JPH1: variants seen among roughly 807,000 people sequenced by gnomAD.
JPH1 encodes the protein junctophilin 1.
In JPH1, 12 loss-of-function variants were observed where a neutral mutation model predicts 53.6. The observed-to-expected ratio is 0.22, with a 90% CI of 0.14 to 0.36. The LOEUF is 0.36. Ranked by LOEUF, JPH1 falls within the 10% of genes least tolerant of loss-of-function variation. The pLI, the probability that JPH1 is intolerant of heterozygous loss-of-function variation, is 1.00. For synonymous variants in JPH1, 375 were observed against 363.8 expected, an observed-to-expected ratio of 1.03 and a Z score of -0.35; for missense variants, 808 against 905.5, an observed-to-expected ratio of 0.89 and a Z score of 1.38.
chr8:74,286,393 T>G (rs1807165358), intron 2 of JPH1, among the ~76,000 whole-genome samples: 1 of 152,264 alleles, frequency 6.6e-6, no homozygotes, highest in Non-Finnish European at 1.5e-5. Context: ...TATTTACTAC[T>G]TTAAACATTG....
intron 2 of JPH1, among the ~76,000 whole-genome samples, chr8:74,272,653 G>A (rs1806735827): frequency 6.7e-6 from 1 of 149,064 alleles, no homozygotes; most frequent in Non-Finnish European, 1.5e-5. Flanking sequence ...GCCCAGGCTG[G>A]AGTGCAGTGG....
chr8:74,259,698 T>C (rs573099541), intron 2 of JPH1, among the ~76,000 whole-genome samples, 195 bp from the exon 3 acceptor site: 3 of 152,194 alleles, frequency 2.0e-5, no homozygotes, highest in Non-Finnish European at 4.4e-5. Context: ...TACCCATGAA[T>C]TGCCTTAGCC....
chr8:74,267,831 A>C (rs2131402581), intron 2 of JPH1, among the ~76,000 whole-genome samples: 1 of 152,312 alleles, frequency 6.6e-6, no homozygotes, highest in South Asian at 2.1e-4. Flanking sequence ...AGAACAGGAG[A>C]AAATGAAGCA....
chr8:74,275,679 G>T (rs1310572674), intron 2 of JPH1, among the ~76,000 whole-genome samples: 1 of 152,208 alleles, frequency 6.6e-6, no homozygotes, highest in Non-Finnish European at 1.5e-5. Flanking sequence ...TCTGGATCAA[G>T]AACCTGCCTT....
At chr8:74,297,932 A>G (rs1019592919) in intron 2 of JPH1, among the ~76,000 whole-genome samples, 6 of 152,144 alleles carry the variant, frequency 3.9e-5, no homozygotes, top group African/African-American at 1.4e-4. Flanking sequence ...CAACAATTGA[A>G]CCTTGTCTAG....
intron 2 of JPH1, among the ~76,000 whole-genome samples, chr8:74,293,271 C>A (rs754945762): frequency 8.5e-5 from 13 of 152,090 alleles, no homozygotes; most frequent in Non-Finnish European, 1.8e-4. Flanking sequence ...CTTGGATAGG[C>A]CCAGTGTGGC....
intron 2 of JPH1, among the ~76,000 whole-genome samples, chr8:74,270,561 T>C (rs953743157): frequency 6.6e-6 from 1 of 152,148 alleles, no homozygotes; most frequent in African/African-American, 2.4e-5. Flanking sequence ...AAGTAACACT[T>C]TGGTGCAATT....
At chr8:74,255,546 G>T (rs1806195710) in intron 3 of JPH1, among the ~76,000 whole-genome samples, 1 of 152,056 alleles carries the variant, frequency 6.6e-6, no homozygotes, top group Non-Finnish European at 1.5e-5. Context: ...TTGACAAATG[G>T]GATCTAATTA....
intron 2 of JPH1, among the ~76,000 whole-genome samples, chr8:74,309,154 T>C (rs1807919207): frequency 6.6e-6 from 1 of 152,136 alleles, no homozygotes; most frequent in Non-Finnish European, 1.5e-5. Context: ...AGGAGCAGCA[T>C]AGTCCCATGC....
intron 2 of JPH1, among the ~76,000 whole-genome samples, chr8:74,283,268 T>C (rs2131422025): frequency 6.6e-6 from 1 of 151,860 alleles, no homozygotes; most frequent in African/African-American, 2.4e-5. Flanking sequence ...AATATATATT[T>C]TTAAATTATA....
At chr8:74,268,744 T>C (rs117079670) in intron 2 of JPH1, among the ~76,000 whole-genome samples, 2,397 of 152,290 alleles carry the variant, frequency 0.016, 33 homozygotes, top group Non-Finnish European at 0.023. Flanking sequence ...TCTTGTCCTT[T>C]ACCAATGGTC....
At chr8:74,270,050 C>T (rs1806653006) in intron 2 of JPH1, among the ~76,000 whole-genome samples, 1 of 152,052 alleles carries the variant, frequency 6.6e-6, no homozygotes, top group African/African-American at 2.4e-5. Context: ...ATTTATGCTT[C>T]CTATTGAAAA....
intron 4 of JPH1, 87 bp from the exon 5 acceptor site, chr8:74,237,390 A>C (rs1807032309): frequency 9.4e-7 from 1 of 1,066,672 alleles, no homozygotes; most frequent in Non-Finnish European, 1.4e-6. Context: ...AAAATGAGAA[A>C]GTTAACATGA....
At chr8:74,300,513 GGTAA>G (rs1400014208) in intron 2 of JPH1, among the ~76,000 whole-genome samples, 1 of 152,106 alleles carries the variant, frequency 6.6e-6, no homozygotes, top group Admixed American at 6.6e-5. Flanking sequence ...AAGAATAACT[GGTAA>G]GTGAGTTGTG....
At chr8:74,303,426 T>C (rs1201347175) in intron 2 of JPH1, among the ~76,000 whole-genome samples, 1 of 152,190 alleles carries the variant, frequency 6.6e-6, no homozygotes, top group African/African-American at 2.4e-5. Flanking sequence ...GCCACTCTGA[T>C]GACTCCTTTT....
Position 74,320,305 on chromosome 8 carries a change from G to A in JPH1, c.379+604C>T, listed in dbSNP as rs1218520513. On this transcript the variant is annotated intron_variant, in intron 1 of 5. Coordinates refer to ENST00000342232, the MANE Select transcript of JPH1 (RefSeq NM_020647.4). The surrounding 1 kb of genome is among the most constrained non-coding windows in gnomAD (Gnocchi z 4.4). ...TCCACCTGCATCAGGTGGCCTTTCTGCTCCCATAACTAGGACGTTTCCAAA... is the reference window on the plus strand; with the variant it reads ...TCCACCTGCATCAGGTGGCCTTTCTACTCCCATAACTAGGACGTTTCCAAA... Among the ~76,000 whole-genome samples the A allele has an allele frequency of 6.6e-6, 1 of 152,180 alleles. No homozygotes were observed. Among genetic ancestry groups the A allele is most frequent in the Non-Finnish European group, 1.5e-5 (1 of 68,036 alleles).
intron 2 of JPH1, among the ~76,000 whole-genome samples, chr8:74,289,716 T>G (rs930765533): frequency 6.6e-6 from 1 of 152,208 alleles, no homozygotes; most frequent in Non-Finnish European, 1.5e-5. Context: ...TGTTCTGAAA[T>G]AGCTCTTATT....
chr8:74,261,268 C>T (rs951010050), intron 2 of JPH1, among the ~76,000 whole-genome samples: 8 of 152,096 alleles, frequency 5.3e-5, no homozygotes, highest in South Asian at 4.1e-4. Context: ...ATATTAATAC[C>T]GGTTCATCAA....
Position 74,236,959 on chromosome 8 carries a change from G to T in JPH1, c.*92C>A. On this transcript the variant is annotated 3_prime_UTR_variant, in exon 6 of 6. Coordinates refer to ENST00000342232, the MANE Select transcript of JPH1 (RefSeq NM_020647.4). ...CCTTCCCTGTGTCTGAGTCTGCCTG[G>T]GGTGGGCCATTTAAAGGGCTGACGG... 3.0e-6 allele frequency: 1 copy of T among 332,912 alleles called. No homozygotes were observed. The highest frequency in any genetic ancestry group is 5.5e-6 in the Non-Finnish European group (1 of 182,896). The allele number at this position is 332,912 out of a possible 1,614,324, so 20.6% of individuals were successfully genotyped here.
Sources: allele counts gnomAD v4.1 joint callset (sites outside exome capture counted in the v4.1 genomes callset), GRCh38; gene constraint gnomAD v4.1.1; non-coding constraint Gnocchi (gnomAD v3.1); transcripts MANE v1.5; gene names NCBI Gene and HGNC (gene_info 2026-07-23, HGNC 2026-07-21).